The following SVIL variants were observed in gnomAD, a reference collection of about 807,000 sequenced individuals.
SVIL encodes archvillin.
A neutral mutation model predicts 240.4 loss-of-function variants in SVIL; 101 were observed. The ratio of observed to expected loss-of-function variants is 0.42; its 90% CI spans 0.36 to 0.50. The LOEUF is 0.50. Among genes scored for constraint, SVIL ranks in the 20% least tolerant of loss-of-function variants. The pLI, the probability that SVIL is intolerant of heterozygous loss-of-function variation, is 0.01. For missense variants in SVIL, 2,512 were observed against 2,818.7 expected, an observed-to-expected ratio of 0.89 and a Z score of 2.46; for synonymous variants, 999 against 1,100.0, an observed-to-expected ratio of 0.91 and a Z score of 1.82.
At chr10:29,596,303 T>C (rs1956586589) in intron 1 of SVIL, among the ~76,000 whole-genome samples, 2 of 152,106 alleles carry the variant, frequency 1.3e-5, no homozygotes, top group Non-Finnish European at 2.9e-5. Context: ...AGACCCCGTC[T>C]CTATAAAGAC....
At chr10:29,714,965 A>AAAG (rs1564354496) in intron 1 of SVIL, among the ~76,000 whole-genome samples, 3 of 150,582 alleles carry the variant, frequency 2.0e-5, no homozygotes, top group Admixed American at 6.6e-5. Context: ...AAAAAAAAAA[A>AAAG]AAGAAGAAAA....
chr10:29,500,318 T>G (rs142537880), intron 17 of SVIL, among the ~76,000 whole-genome samples: 1 of 152,044 alleles, frequency 6.6e-6, no homozygotes, highest in Non-Finnish European at 1.5e-5. Context: ...AGACCCCTGT[T>G]TATGGCGAGG....
intron 27 of SVIL, among the ~76,000 whole-genome samples, chr10:29,482,265 C>G (rs1946971186): frequency 6.6e-6 from 1 of 152,046 alleles, no homozygotes; most frequent in South Asian, 2.1e-4. Flanking sequence ...AACTCCTGGC[C>G]TTAAGTGATC....
intron 1 of SVIL, among the ~76,000 whole-genome samples, chr10:29,570,269 T>C (rs146551322): frequency 2.0e-4 from 30 of 152,364 alleles, no homozygotes; most frequent in Admixed American, 5.9e-4. Flanking sequence ...TATCTTGTTA[T>C]GTAATTAACC....
At chr10:29,653,000 C>CT (rs895855388) in intron 3 of SVIL, among the ~76,000 whole-genome samples, 6,066 of 141,150 alleles carry the variant, frequency 0.043, 196 homozygotes, top group Admixed American at 0.095. Context: ...TTTCCTTTTC[C>CT]TTTTTTTTTT....
chr10:29,489,629 C>T (rs1030622900), intron 22 of SVIL, among the ~76,000 whole-genome samples: 2 of 152,070 alleles, frequency 1.3e-5, no homozygotes, highest in Non-Finnish European at 2.9e-5. Flanking sequence ...CTCACTGCAG[C>T]CTTGACCTCC....
intron 1 of SVIL, among the ~76,000 whole-genome samples, chr10:29,697,048 C>T (rs1277256578): frequency 1.4e-4 from 17 of 121,882 alleles, no homozygotes; most frequent in Non-Finnish European, 1.6e-4. Flanking sequence ...CCAGCCGCCC[C>T]GTCCGGGAGG....
At chr10:29,727,547 C>T (rs541036799) in intron 1 of SVIL, among the ~76,000 whole-genome samples, 43 of 152,070 alleles carry the variant, frequency 2.8e-4, no homozygotes, top group Admixed American at 2.2e-3. Context: ...ACTGTAAACA[C>T]GCAACAGAAG....
chr10:29,613,266 G>A (rs1957315718), intron 1 of SVIL, among the ~76,000 whole-genome samples: 1 of 151,958 alleles, frequency 6.6e-6, no homozygotes, highest in South Asian at 2.1e-4. Context: ...CCTACCCTCT[G>A]GTTTTGAGTA....
intron 16 of SVIL, among the ~76,000 whole-genome samples, chr10:29,518,672 A>G (rs1234827162): frequency 6.6e-6 from 1 of 152,160 alleles, no homozygotes; most frequent in Non-Finnish European, 1.5e-5. Context: ...CGTAGCCAAC[A>G]TGGTGAAGCC....
At chr10:29,586,853 G>A (rs1202208170) in intron 1 of SVIL, among the ~76,000 whole-genome samples, 2 of 152,106 alleles carry the variant, frequency 1.3e-5, no homozygotes, top group Non-Finnish European at 2.9e-5. Context: ...AGAACACATG[G>A]ACACATAGAA....
chr10:29,492,859 G>C (rs1386259765), intron 21 of SVIL, among the ~76,000 whole-genome samples: 1 of 152,222 alleles, frequency 6.6e-6, no homozygotes, highest in Admixed American at 6.5e-5. Flanking sequence ...TATGTCAAAT[G>C]AAAGACAGGC....
In SVIL at chr10:29,463,512, G is replaced by C; in HGVS notation, c.6257C>G (p.Thr2086Ser). Residue 2086 changes from threonine to serine, a missense_variant, in exon 35 of 38, where the codon ACT becomes AGT. Transcript: ENST00000355867. ...CTCACCTTTGCAGTACTGGAGCACA[G>C]TCTCCATCGCACTCTTCCGGTCGGA... ...WASDRKSAME[T>S]VLQYCKGKNL... 4 of 1,614,098 alleles carry C rather than the reference G, an allele frequency of 2.5e-6. No individual in the cohort carries two copies. The highest frequency in any genetic ancestry group is 3.4e-6 in the Non-Finnish European group (4 of 1,180,012).
chr10:29,461,495 A>G (rs750394570), intron 36 of SVIL, among the ~76,000 whole-genome samples: 1 of 152,172 alleles, frequency 6.6e-6, no homozygotes, highest in African/African-American at 2.4e-5. Flanking sequence ...CGAATTTCCT[A>G]TAAAATACAC....
intron 1 of SVIL, among the ~76,000 whole-genome samples, chr10:29,722,711 T>C (rs1239805529): frequency 6.6e-6 from 1 of 152,188 alleles, no homozygotes; most frequent in African/African-American, 2.4e-5. Flanking sequence ...AAATCCAATG[T>C]AGGGGCACTA....
intron 34 of SVIL, among the ~76,000 whole-genome samples, chr10:29,464,548 A>G (rs1302050810): frequency 6.6e-6 from 1 of 152,092 alleles, no homozygotes; most frequent in Non-Finnish European, 1.5e-5. Context: ...AGGTGGCAAA[A>G]TGCCTCTCAC....
At chr10:29,511,161 C>T (rs1949805961) in intron 17 of SVIL, among the ~76,000 whole-genome samples, 1 of 133,900 alleles carries the variant, frequency 7.5e-6, no homozygotes, top group Non-Finnish European at 1.6e-5. Flanking sequence ...AGGGCAACTG[C>T]AGTCAACTGG....
chr10:29,617,559 C>T (rs369356506), intron 1 of SVIL, among the ~76,000 whole-genome samples: 10 of 135,968 alleles, frequency 7.4e-5, no homozygotes, highest in Admixed American at 3.9e-4. Context: ...CCAGCCTGGG[C>T]GAAAAAGGAA....
rs149199305 is a variant in SVIL, at chr10:29,494,967, G to A, written c.3788C>T (p.Ser1263Leu). The A allele has an allele frequency of 3.7e-6, 6 of 1,613,292 alleles. No homozygotes were observed. The highest frequency in any genetic ancestry group is 3.3e-5 in the South Asian group (3 of 91,054). The change falls in exon 20 of 38, where the codon TCG (serine) becomes TTG (leucine). Residue 1263 changes from serine (S) to leucine (L), a missense_variant. Physicochemically the swap from Ser to Leu is moderately radical, Grantham distance 145. This residue lies in a region of SVIL where 272 missense variants were observed against 406.8 expected (regional missense o/e 0.67). Coordinates refer to ENST00000355867, the MANE Select transcript of SVIL (RefSeq NM_021738.3). ...TTCCAGCCTGTCCAACTTCAGGTCC[G>A]ATTCTAACTGCATATCTGGTCTGGC... Reference protein sequence around the residue: ...IEARPDMQLESDLKLDRLETF... With the variant: ...IEARPDMQLELDLKLDRLETF...
Sources: gnomAD v4.1 joint callset for allele counts (sites outside exome capture counted in the v4.1 genomes callset) on GRCh38, gnomAD v4.1.1 for gene constraint, gnomAD v4.1.1 regional missense constraint, MANE v1.5 for transcripts, NCBI Gene and HGNC (gene_info 2026-07-23, HGNC 2026-07-21) for gene names.